ZNF879: variants seen among roughly 807,000 people sequenced by gnomAD.
ZNF879 encodes the protein zinc finger protein 879.
ZNF879 carries 32 observed loss-of-function variants against 44.3 expected under a neutral mutation model. The ratio of observed to expected loss-of-function variants is 0.72; its 90% CI spans 0.54 to 0.97. ZNF879 has a LOEUF of 0.97. ZNF879 is among the 50% of genes least tolerant of loss of function. The probability of loss-of-function intolerance (pLI) is 0.00; values close to 1 mark genes in which losing one functional copy is unlikely to be tolerated. For missense variants in ZNF879, 621 were observed against 669.7 expected (o/e 0.93, Z 0.80); for synonymous variants, 234 against 233.2 (o/e 1.00, Z -0.03).
intron 2 of ZNF879, 167 bp from the exon 3 acceptor site, chr5:179,027,306 A>G: frequency 1.1e-6 from 1 of 911,844 alleles, no homozygotes; most frequent in Non-Finnish European, 1.7e-6. Context: ...TCCTGAGGGG[A>G]CGGTGTTTCA....
chr5:179,033,763 T>G lies in ZNF879; in HGVS notation c.*123T>G, dbSNP rs533491550. 1.2e-4 allele frequency: 79 copies of G among 646,672 alleles called. 1 individual carries two copies. The highest frequency in any genetic ancestry group is 4.1e-4 in the Admixed American group (12 of 28,948). 40.1% of individuals were successfully genotyped at this position (646,672 alleles called of 1,614,324 possible). A position where few individuals can be genotyped will look rare whatever the true frequency, so the allele number is the denominator to read the frequency against. On this transcript the variant is annotated 3_prime_UTR_variant, in exon 5 of 5. Coordinates refer to ENST00000444149, the MANE Select transcript of ZNF879 (RefSeq NM_001136116.3). ...ATAGGTAAAACTTCAGCATTAGACC[T>G]CATCACACATCAGAGACTTCATGAT...
At chr5:179,028,569 A>AG (rs1761334608) in intron 4 of ZNF879, among the ~76,000 whole-genome samples, 1 of 152,272 alleles carries the variant, frequency 6.6e-6, no homozygotes, top group Admixed American at 6.5e-5. Flanking sequence ...ATGGTTCAAA[A>AG]GGGGGAAAAA....
chr5:179,025,015 G>C lies in ZNF879; in HGVS notation c.11G>C (p.Arg4Thr). Reference sequence around the variant, plus strand: ...AGCAGGGAGGGAGAAATGGCAAGGAGGTTGCTGCCAGCCCATGTACAGGTG... The same window carrying C: ...AGCAGGGAGGGAGAAATGGCAAGGACGTTGCTGCCAGCCCATGTACAGGTG... MAR[R>T]LLPAHVQESV... Residue 4 changes from arginine to threonine, a missense_variant, in exon 2 of 5, where the codon AGG becomes ACG. Transcript: ENST00000444149. The C allele has an allele frequency of 6.4e-7, 1 of 1,551,652 alleles. No individual in the cohort carries two copies. The highest frequency in any genetic ancestry group is 2.4e-5 in the East Asian group (1 of 40,918).
At chr5:179,025,232 T>C (rs558222711) in intron 2 of ZNF879, among the ~76,000 whole-genome samples, 195 bp downstream of exon 2, 2 of 151,874 alleles carry the variant, frequency 1.3e-5, no homozygotes, top group African/African-American at 2.4e-5. Flanking sequence ...TTTCTTTCCC[T>C]TTTTTGAGAC....
intron 4 of ZNF879, among the ~76,000 whole-genome samples, chr5:179,028,522 T>A (rs1329175257): frequency 6.6e-6 from 1 of 152,136 alleles, no homozygotes; most frequent in Non-Finnish European, 1.5e-5. Context: ...GGAACCATCT[T>A]TTGCTTTGAT....
intron 2 of ZNF879, among the ~76,000 whole-genome samples, chr5:179,026,083 CAAAA>C (rs1337124096): frequency 7.7e-4 from 45 of 58,100 alleles, no homozygotes; most frequent in South Asian, 1.2e-3. Flanking sequence ...GACTCCATCT[CAAAA>C]AAAAAAAAAA....
chr5:179,033,399 A>G lies in ZNF879; in HGVS notation c.1451A>G (p.Tyr484Cys). Reference protein sequence around the residue: ...HRKIHTGEKPYKCNDCEKAFN... With the variant: ...HRKIHTGEKPCKCNDCEKAFN... Reference sequence around the variant, plus strand: ...AAAATTCATACTGGAGAAAAACCTTATAAATGTAATGACTGTGAGAAAGCC... The same window carrying G: ...AAAATTCATACTGGAGAAAAACCTTGTAAATGTAATGACTGTGAGAAAGCC... The change falls in exon 5 of 5, where the codon TAT (tyrosine) becomes TGT (cysteine). Residue 484 changes from tyrosine (Y) to cysteine (C), a missense_variant. Tyr to Cys is a radical substitution (Grantham distance 194, BLOSUM62 -2). Coordinates refer to ENST00000444149, the MANE Select transcript of ZNF879 (RefSeq NM_001136116.3). 6.4e-7 allele frequency: 1 copy of G among 1,558,004 alleles called. No individual in the cohort carries two copies. The highest frequency in any genetic ancestry group is 8.7e-7 in the Non-Finnish European group (1 of 1,150,854).
rs1313775688 is a variant in ZNF879 at position 179,034,801 on chromosome 5, A to G, written c.*1161A>G. 2 of 152,228 alleles carry G rather than the reference A, an allele frequency of 1.3e-5. No individual in the cohort carries two copies. The highest frequency in any genetic ancestry group is 4.8e-5 in the African/African-American group (2 of 41,454). The allele number at this position is 152,228 out of a possible 1,614,324, so 9.4% of individuals were successfully genotyped here. On this transcript the variant is annotated 3_prime_UTR_variant, in exon 5 of 5. Coordinates refer to ENST00000444149, the MANE Select transcript of ZNF879 (RefSeq NM_001136116.3). ...TCACAAGTCAAAATTGTTGGGCTTT[A>G]CAGAGGCTAACATCTAGTTTAGCCA...
chr5:179,028,965 G>C (rs1232985160), intron 4 of ZNF879, among the ~76,000 whole-genome samples: 4 of 152,064 alleles, frequency 2.6e-5, no homozygotes, highest in Admixed American at 6.5e-5. Context: ...TTTTCCCTTT[G>C]GCTCGACTAG....
rs1373644949 is a variant in ZNF879, at chr5:179,033,022, G to A, written c.1074G>A (p.Arg358=). 2 of 1,556,620 alleles carry A rather than the reference G, an allele frequency of 1.3e-6. No individual in the cohort carries two copies. The highest frequency in any genetic ancestry group is 2.0e-5 in the Admixed American group (1 of 51,204). ...GGAAAGCCTTCACTTCAATATCGCGGCTAAGTAGGCACCATCGAATTCATA... is the reference window on the plus strand; with the variant it reads ...GGAAAGCCTTCACTTCAATATCGCGACTAAGTAGGCACCATCGAATTCATA... ...QCGKAFTSIS[R]LSRHHRIHTG... is the part of the protein sequence containing the mutation. Residue 358 remains arginine, a synonymous_variant, in exon 5 of 5, where the codon CGG becomes CGA. Coordinates refer to ENST00000444149, the MANE Select transcript of ZNF879 (RefSeq NM_001136116.3).
intron 2 of ZNF879, among the ~76,000 whole-genome samples, chr5:179,026,274 C>T (rs939021541): frequency 2.0e-5 from 3 of 152,048 alleles, no homozygotes; most frequent in Admixed American, 6.6e-5. Context: ...TACTGGGCAG[C>T]ATGTAAACAG....
intron 2 of ZNF879, among the ~76,000 whole-genome samples, chr5:179,026,501 G>A (rs570556414): frequency 6.6e-6 from 1 of 152,160 alleles, no homozygotes; most frequent in East Asian, 1.9e-4. Flanking sequence ...TGTTTTTTAA[G>A]AGACAGGATC....
chr5:179,025,113 T>C, intron 2 of ZNF879, 76 bp downstream of exon 2: 1 of 1,505,266 alleles, frequency 6.6e-7, no homozygotes, highest in Non-Finnish European at 9.0e-7. Flanking sequence ...GTTGTTGAGC[T>C]TCTCTACCCA....
intron 4 of ZNF879, among the ~76,000 whole-genome samples, chr5:179,028,822 A>G (rs948206405): frequency 3.3e-5 from 5 of 152,088 alleles, no homozygotes; most frequent in Admixed American, 6.5e-5. Flanking sequence ...AATTCTGTCT[A>G]TGCTTCTGGC....
Position 179,030,830 on chromosome 5 carries a change from C to T in ZNF879, c.257-1375C>T, listed in dbSNP as rs565273162. On this transcript the variant is annotated intron_variant, in intron 4 of 4. Transcript: ENST00000444149. ...ATTTCTTGTACTGTATCTTAAGTAA[C>T]CAAAAAGGTAGACAAAAAATTACTC... 3.9e-5 allele frequency among the ~76,000 whole-genome samples: 6 copies of T among 152,214 alleles called. No homozygotes were observed. In the East Asian group the frequency reaches 9.7e-4, roughly 25 times the overall value.
At chr5:179,031,975 C>G (rs1025297447) in intron 4 of ZNF879, among the ~76,000 whole-genome samples, 2 of 152,120 alleles carry the variant, frequency 1.3e-5, no homozygotes, top group Non-Finnish European at 2.9e-5. Flanking sequence ...GTTAATAGAT[C>G]GAGCCTGGCT....
intron 4 of ZNF879, among the ~76,000 whole-genome samples, chr5:179,031,331 C>G (rs1389019072): frequency 6.6e-6 from 1 of 152,204 alleles, no homozygotes; most frequent in Non-Finnish European, 1.5e-5. Flanking sequence ...CTGTGACACT[C>G]TCTTCTTGTT....
chr5:179,027,688 C>G, intron 3 of ZNF879, 89 bp downstream of exon 3: 1 of 1,515,344 alleles, frequency 6.6e-7, no homozygotes, highest in Non-Finnish European at 8.9e-7. Flanking sequence ...GCCAGGTCGG[C>G]TCACAGGTGG....
chr5:179,024,386 C>A (rs6875473), intron 1 of ZNF879: 44,381 of 152,042 alleles, frequency 0.29, 6,982 homozygotes, highest in African/African-American at 0.42. Context: ...CCACTTGCTA[C>A]GTTTCTTCCC....
Sources: allele counts gnomAD v4.1 joint callset (sites outside exome capture counted in the v4.1 genomes callset), GRCh38; gene constraint gnomAD v4.1.1; transcripts MANE v1.5; gene names NCBI Gene and HGNC (gene_info 2026-07-23, HGNC 2026-07-21).